The following CCSER2 variants were observed in gnomAD, a reference collection of about 807,000 sequenced individuals.
The protein encoded by CCSER2 is coiled-coil serine rich protein 2.
In CCSER2, 46 loss-of-function variants were observed where a neutral mutation model predicts 92.3. The observed-to-expected ratio is 0.50, with a 90% CI of 0.39 to 0.64. The LOEUF (loss-of-function observed/expected upper bound fraction) is 0.64. Ranked by LOEUF, CCSER2 falls within the 30% of genes least tolerant of loss-of-function variation. The pLI is 0.00. For missense variants in CCSER2, 1,244 were observed against 1,238.9 expected (o/e 1.00, Z -0.06); for synonymous variants, 433 against 431.4 (o/e 1.00, Z -0.04).
chr10:84,389,743 G>A (rs762600880), intron 3 of CCSER2: 133 of 153,984 alleles, frequency 8.6e-4, no homozygotes, highest in Middle Eastern at 3.2e-3. Flanking sequence ...AAAAAGATCC[G>A]TGTTAGAATC....
intron 9 of CCSER2, among the ~76,000 whole-genome samples, chr10:84,508,821 A>G (rs779772964): frequency 5.3e-5 from 8 of 152,344 alleles, no homozygotes; most frequent in East Asian, 3.9e-4. Flanking sequence ...CAAAATAGCT[A>G]TGACTTGAAC....
At chr10:84,471,926 A>G (rs1846827925) in intron 8 of CCSER2, among the ~76,000 whole-genome samples, 1 of 152,126 alleles carries the variant, frequency 6.6e-6, no homozygotes, top group Non-Finnish European at 1.5e-5. Context: ...GAAGTACTGA[A>G]TTTTTTATCT....
intron 6 of CCSER2, among the ~76,000 whole-genome samples, chr10:84,446,068 T>C (rs563555539): frequency 6.6e-6 from 1 of 152,330 alleles, no homozygotes; most frequent in South Asian, 2.1e-4. Flanking sequence ...CTCTTTCCCT[T>C]TCTCATTTCT....
intron 3 of CCSER2, 94 bp downstream of exon 3, chr10:84,373,909 A>T (rs1846198037): frequency 6.4e-7 from 1 of 1,554,666 alleles, no homozygotes; most frequent in Admixed American, 1.9e-5. Context: ...TTTATGAATT[A>T]ACTTTACTAC....
chr10:84,329,698 G>A (rs1046858723), intron 1 of CCSER2, among the ~76,000 whole-genome samples: 10 of 152,240 alleles, frequency 6.6e-5, no homozygotes, highest in African/African-American at 2.4e-4. Context: ...GATGGCAGCT[G>A]CTCTTTAACC....
At chr10:84,395,860 T>C (rs867185445) in intron 3 of CCSER2, among the ~76,000 whole-genome samples, 3 of 152,312 alleles carry the variant, frequency 2.0e-5, no homozygotes, top group African/African-American at 7.2e-5. Context: ...TCATTATGTC[T>C]CCAAGGAAGA....
intron 9 of CCSER2, among the ~76,000 whole-genome samples, chr10:84,503,552 T>G (rs1848883407): frequency 6.6e-6 from 1 of 152,182 alleles, no homozygotes; most frequent in Non-Finnish European, 1.5e-5. Flanking sequence ...AAAATAATTG[T>G]TTTTGGCAAA....
chr10:84,401,304 A>T (rs1396438795), intron 3 of CCSER2, among the ~76,000 whole-genome samples: 2 of 152,208 alleles, frequency 1.3e-5, no homozygotes, highest in Non-Finnish European at 2.9e-5. Flanking sequence ...ATTGATAAAC[A>T]TTTAGCAAGA....
intron 1 of CCSER2, among the ~76,000 whole-genome samples, chr10:84,366,813 T>A (rs1413543653): frequency 2.6e-5 from 4 of 152,210 alleles, no homozygotes; most frequent in African/African-American, 9.6e-5. Context: ...AATGACGTGA[T>A]CCAGATCTTT....
intron 1 of CCSER2, among the ~76,000 whole-genome samples, chr10:84,351,753 A>G (rs949479670): frequency 1.2e-4 from 19 of 152,204 alleles, no homozygotes; most frequent in African/African-American, 4.6e-4. Flanking sequence ...CATTCCAACT[A>G]GAATTAAGTG....
intron 3 of CCSER2, among the ~76,000 whole-genome samples, chr10:84,378,702 T>A (rs928102121): frequency 6.6e-6 from 1 of 152,180 alleles, no homozygotes; most frequent in Admixed American, 6.5e-5. Flanking sequence ...CCCAAAATAG[T>A]GGGATTACAG....
At chr10:84,405,974 T>G (rs974663147) in intron 3 of CCSER2, among the ~76,000 whole-genome samples, 3 of 152,172 alleles carry the variant, frequency 2.0e-5, no homozygotes, top group Non-Finnish European at 2.9e-5. Context: ...AGAGCTTATA[T>G]TCACACAAAA....
intron 9 of CCSER2, among the ~76,000 whole-genome samples, chr10:84,491,832 C>T (rs1848187230): frequency 1.3e-5 from 2 of 152,192 alleles, no homozygotes; most frequent in Non-Finnish European, 2.9e-5. Flanking sequence ...CTGGGTTGCT[C>T]ACGCTGGGAG....
rs1433662489 is a variant in CCSER2, at chr10:84,438,629, G to A, written c.1986G>A (p.Glu662=). The A allele has an allele frequency of 1.2e-6, 2 of 1,613,834 alleles. No individual in the cohort carries two copies. The part of the protein sequence containing the change: ...DVPENTVILD[E]MTLRHMVQDC... ...CAGAAAATACAGTGATACTGGATGA[G>A]ATGACCCTTCGGCACATGGTTCAGG... Residue 662 remains glutamate (E), a synonymous_variant, in exon 6 of 10, where the codon GAG becomes GAA. Transcript: ENST00000372088.
intron 4 of CCSER2, among the ~76,000 whole-genome samples, chr10:84,421,239 T>C (rs75744083): frequency 0.026 from 3,928 of 152,304 alleles, 157 homozygotes; most frequent in African/African-American, 0.088. Flanking sequence ...TTCTGGACTT[T>C]CGTGAGTTAG....
At chr10:84,462,286 A>G (rs1253895504) in intron 6 of CCSER2, among the ~76,000 whole-genome samples, 1 of 151,856 alleles carries the variant, frequency 6.6e-6, no homozygotes, top group Non-Finnish European at 1.5e-5. Flanking sequence ...CTGTTGTTTT[A>G]TTTTTTCTAT....
rs1023595493 is a variant in CCSER2 at position 84,405,030 on chromosome 10, G to A, written c.1615-12741G>A. On this transcript the variant is annotated intron_variant, in intron 3 of 9. Coordinates refer to ENST00000372088, the MANE Select transcript of CCSER2 (RefSeq NM_001284240.2). ...CCCAGCAGGAGTACCAATATGTTTTGTTGGAAAAAGCAGAACAAAGCTGGA... is the reference window on the plus strand; with the variant it reads ...CCCAGCAGGAGTACCAATATGTTTTATTGGAAAAAGCAGAACAAAGCTGGA... Among the ~76,000 whole-genome samples the A allele has an allele frequency of 3.3e-5, 5 of 152,144 alleles. 1 individual carries two copies. The highest frequency in any genetic ancestry group is 1.3e-4 in the Admixed American group (2 of 15,268).
At chr10:84,508,001 A>G (rs1350736680) in intron 9 of CCSER2, among the ~76,000 whole-genome samples, 2 of 152,220 alleles carry the variant, frequency 1.3e-5, no homozygotes, top group East Asian at 3.8e-4. Context: ...AAAATATATT[A>G]AAATAATCAT....
At position 84,371,301 on chromosome 10, in the gene CCSER2, C is replaced by T; in HGVS notation, c.249C>T (p.Asn83=). 6.2e-7 allele frequency: 1 copy of T among 1,613,532 alleles called. No homozygotes were observed. The highest frequency in any genetic ancestry group is 8.5e-7 in the Non-Finnish European group (1 of 1,179,746). The change falls in exon 2 of 10, where the codon AAC becomes AAT. Residue 83 remains asparagine (N), a synonymous_variant. Transcript: ENST00000372088. Reference sequence around the variant, plus strand: ...GTGCACAAGGTGTCGAAGAGCCTAACAATACTCAAAATTCACATGATAAAA... The same window carrying T: ...GTGCACAAGGTGTCGAAGAGCCTAATAATACTCAAAATTCACATGATAAAA... ...QLCAQGVEEP[N]NTQNSHDKII...
Sources: allele counts gnomAD v4.1 joint callset (sites outside exome capture counted in the v4.1 genomes callset), GRCh38; gene constraint gnomAD v4.1.1; transcripts MANE v1.5; gene names NCBI Gene and HGNC (gene_info 2026-07-23, HGNC 2026-07-21).